Variants in ARID1B observed in about 807,000 individuals in gnomAD.
ARID1B encodes AT-rich interactive domain-containing protein 1B.
A neutral mutation model predicts 212.3 loss-of-function variants in ARID1B; 30 were observed. The ratio of observed to expected loss-of-function variants is 0.14; its 90% CI spans 0.11 to 0.19. ARID1B has a LOEUF of 0.19. Ranked by LOEUF, ARID1B falls within the 10% of genes least tolerant of loss-of-function variation. The pLI is 1.00. For missense variants in ARID1B, 2,891 were observed against 3,204.0 expected (o/e 0.90, Z 2.36); for synonymous variants, 1,402 against 1,301.7 (o/e 1.08, Z -1.66).
At chr6:157,157,167 C>T (rs1360838163) in intron 8 of ARID1B, among the ~76,000 whole-genome samples, 1 of 152,148 alleles carries the variant, frequency 6.6e-6, no homozygotes, top group Non-Finnish European at 1.5e-5. Context: ...TGTGCTCACT[C>T]GGAGATGGCT....
rs1212040530 is a variant in ARID1B at position 157,190,796 on chromosome 6, A to T, written c.4231+586A>T. ...GATTGTGGTTGGTGGAAGACAGGAA[A>T]GTGAAAGGAAGAAAGGATACAGATA... On this transcript the variant is annotated intron_variant, in intron 15 of 19. Coordinates refer to ENST00000636930, the MANE Select transcript of ARID1B (RefSeq NM_001374828.1). This position sits in a 1 kb window ranked among gnomAD's most constrained non-coding sequence, Gnocchi z 4.6. Among the ~76,000 whole-genome samples, 1 of 152,154 alleles carries T rather than the reference A, an allele frequency of 6.6e-6. No individual in the cohort carries two copies. Among genetic ancestry groups the T allele is most frequent in the Non-Finnish European group, 1.5e-5 (1 of 68,010 alleles).
intron 2 of ARID1B, 140 bp from the exon 3 acceptor site, chr6:156,901,236 T>G: frequency 3.0e-6 from 3 of 985,932 alleles, no homozygotes; most frequent in Non-Finnish European, 4.6e-6. Flanking sequence ...GTCGATTTGT[T>G]TAAGGAAGAG....
At chr6:157,074,506 T>G (rs886431235) in intron 4 of ARID1B, among the ~76,000 whole-genome samples, 12 of 152,188 alleles carry the variant, frequency 7.9e-5, no homozygotes, top group African/African-American at 2.9e-4. Flanking sequence ...ATTACAGGCA[T>G]GAGACACCAT....
intron 4 of ARID1B, among the ~76,000 whole-genome samples, chr6:156,973,227 AT>A (rs1777037525): frequency 6.6e-6 from 1 of 152,234 alleles, no homozygotes; most frequent in African/African-American, 2.4e-5. Flanking sequence ...AAATAGCTAC[AT>A]GTGGCAGTCA....
chr6:156,934,888 T>C (rs149850426), intron 3 of ARID1B, among the ~76,000 whole-genome samples: 1 of 134,804 alleles, frequency 7.4e-6, no homozygotes, highest in East Asian at 2.1e-4. Flanking sequence ...CTTGGTATGG[T>C]CTCATAATAA....
intron 3 of ARID1B, among the ~76,000 whole-genome samples, chr6:156,924,284 A>G (rs1791046943): frequency 6.6e-6 from 1 of 152,196 alleles, no homozygotes; most frequent in Admixed American, 6.5e-5. Context: ...TACAGTTTCA[A>G]GGATAAAAGA....
In ARID1B at chr6:157,094,576, A is replaced by G. The variant is rs1315929501; in HGVS notation, c.2491+9671A>G. ...CGCCATGTTGGCCAGGCTGGTCTCGAACTCCTGACCTCTCGAAATCTGCCC... is the reference window on the plus strand; with the variant it reads ...CGCCATGTTGGCCAGGCTGGTCTCGGACTCCTGACCTCTCGAAATCTGCCC... On this transcript the variant is annotated intron_variant, in intron 5 of 19. Transcript: ENST00000636930. The surrounding 1 kb of genome is among the most constrained non-coding windows in gnomAD (Gnocchi z 4.3). 1.3e-5 allele frequency among the ~76,000 whole-genome samples: 2 copies of G among 152,130 alleles called. No homozygotes were observed. The highest frequency in any genetic ancestry group is 2.9e-5 in the Non-Finnish European group (2 of 68,018).
intron 1 of ARID1B, among the ~76,000 whole-genome samples, chr6:156,803,355 C>T (rs1305255278): frequency 2.6e-5 from 4 of 152,134 alleles, no homozygotes; most frequent in African/African-American, 9.7e-5. Flanking sequence ...ATGGATCTTG[C>T]AAAGATTGTA....
intron 5 of ARID1B, among the ~76,000 whole-genome samples, chr6:157,091,792 G>A (rs1487548453): frequency 4.6e-5 from 7 of 152,276 alleles, no homozygotes; most frequent in Non-Finnish European, 7.4e-5. Flanking sequence ...AAAAGCATGA[G>A]TTTATTTCTA....
chr6:157,087,492 G>T (rs763755637), intron 5 of ARID1B, among the ~76,000 whole-genome samples: 3 of 152,190 alleles, frequency 2.0e-5, no homozygotes, highest in Non-Finnish European at 4.4e-5. Flanking sequence ...AAGATTAAAT[G>T]TGTCACTGCA....
At chr6:156,926,477 C>G (rs886168658) in intron 3 of ARID1B, among the ~76,000 whole-genome samples, 2 of 152,134 alleles carry the variant, frequency 1.3e-5, no homozygotes, top group African/African-American at 4.8e-5. Flanking sequence ...CAGAGTCAGT[C>G]TCAGCCCCAC....
intron 4 of ARID1B, among the ~76,000 whole-genome samples, chr6:156,980,475 C>T (rs1777538431): frequency 7.2e-6 from 1 of 138,368 alleles, no homozygotes. Context: ...AAGAGCCAAC[C>T]TACATCTCAA....
In ARID1B at chr6:156,994,548, C is replaced by T. The variant is rs1778472534; in HGVS notation, c.2247+58972C>T. On this transcript the variant is annotated intron_variant, in intron 4 of 19. Coordinates refer to ENST00000636930, the MANE Select transcript of ARID1B (RefSeq NM_001374828.1). The stretch of plus-strand genomic sequence containing the variant: ...ATGCTTTTCCTAGGTAAAAACCAGT[C>T]CTCATTCCTGGATAATCAGAGGCAG... 2.0e-5 allele frequency among the ~76,000 whole-genome samples: 3 copies of T among 152,248 alleles called. No individual in the cohort carries two copies. In the South Asian group the frequency reaches 6.2e-4, roughly 32 times the overall value.
At chr6:156,838,198 A>G (rs1783643952) in intron 2 of ARID1B, among the ~76,000 whole-genome samples, 1 of 152,168 alleles carries the variant, frequency 6.6e-6, no homozygotes, top group Non-Finnish European at 1.5e-5. Context: ...AGGGTTAGTC[A>G]AAGGCAAGGA....
At chr6:156,847,813 T>A (rs1784327442) in intron 2 of ARID1B, among the ~76,000 whole-genome samples, 1 of 152,210 alleles carries the variant, frequency 6.6e-6, no homozygotes, top group Non-Finnish European at 1.5e-5. Flanking sequence ...AATTTCTGAC[T>A]GTAGACCCGG....
chr6:156,957,791 G>T (rs762090390), intron 4 of ARID1B, among the ~76,000 whole-genome samples: 1 of 152,110 alleles, frequency 6.6e-6, no homozygotes, highest in Non-Finnish European at 1.5e-5. Context: ...TTTAAGGCTG[G>T]TATCCTCATT....
At position 157,200,568 on chromosome 6, in the gene ARID1B, T is replaced by C. The variant is rs1358001962; in HGVS notation, c.4480-137T>C. On this transcript the variant is annotated intron_variant, in intron 17 of 19. Coordinates refer to ENST00000636930, the MANE Select transcript of ARID1B (RefSeq NM_001374828.1). This position sits in a 1 kb window ranked among gnomAD's most constrained non-coding sequence, Gnocchi z 4.3. ...GAAATATTGAACATAAATTGTTAGT[T>C]CTCTGTTGTTATAGGAGCTTCCCAT... is the stretch of plus-strand genomic sequence containing the variant. 1 of 935,910 alleles carries C rather than the reference T, an allele frequency of 1.1e-6. No homozygotes were observed. The highest frequency in any genetic ancestry group is 1.6e-6 in the Non-Finnish European group (1 of 640,884). The allele number at this position is 935,910 out of a possible 1,614,324, so 58.0% of individuals were successfully genotyped here.
intron 6 of ARID1B, among the ~76,000 whole-genome samples, chr6:157,128,440 T>C (rs570099081): frequency 1.3e-5 from 2 of 152,268 alleles, no homozygotes; most frequent in South Asian, 4.1e-4. Context: ...TCCCAGCTAA[T>C]TGGGAGGCTG....
At chr6:156,988,089 A>G (rs965953115) in intron 4 of ARID1B, among the ~76,000 whole-genome samples, 12 of 152,162 alleles carry the variant, frequency 7.9e-5, no homozygotes, top group Admixed American at 1.3e-4. Context: ...AATCTGATCT[A>G]TTGGAATTCA....
Sources: gnomAD v4.1 joint callset for allele counts (sites outside exome capture counted in the v4.1 genomes callset) on GRCh38, gnomAD v4.1.1 for gene constraint, Gnocchi (gnomAD v3.1) non-coding constraint, MANE v1.5 for transcripts, NCBI Gene and HGNC (gene_info 2026-07-23, HGNC 2026-07-21) for gene names.